Variants in DCAF6 observed in about 807,000 individuals in gnomAD.
DCAF6 encodes DDB1- and CUL4-associated factor 6.
DCAF6 carries 54 observed loss-of-function variants against 125.1 expected under a neutral mutation model. The observed-to-expected ratio is 0.43, with a 90% CI of 0.35 to 0.54. The LOEUF (loss-of-function observed/expected upper bound fraction) is 0.54, where lower values mean the gene tolerates loss of function less well. Ranked by LOEUF, DCAF6 falls within the 20% of genes least tolerant of loss-of-function variation. DCAF6 has a pLI of 0.01. For synonymous variants in DCAF6, 371 were observed against 390.4 expected (o/e 0.95, Z 0.58); for missense variants, 934 against 1,161.7 (o/e 0.80, Z 2.85).
chr1:168,049,431 G>GTTTTTTTTTTTTTTTTTTTTT (rs11369573), intron 16 of DCAF6, among the ~76,000 whole-genome samples: 1 of 101,234 alleles, frequency 9.9e-6, no homozygotes, highest in Non-Finnish European at 1.9e-5. Context: ...TGTTGTTGTT[G>GTTTTTTTTTTTTTTTTTTTTT]TTTTTTTTTT....
intron 12 of DCAF6, among the ~76,000 whole-genome samples, chr1:168,033,005 T>A (rs1399193008): frequency 6.6e-6 from 1 of 150,664 alleles, no homozygotes; most frequent in East Asian, 1.9e-4. Context: ...TATAAAATAC[T>A]CAGCATTTTT....
At chr1:167,882,357 T>C in the DCAF6 span, among the ~76,000 whole-genome samples, 15 of 151,962 alleles carry the variant, frequency 9.9e-5, no homozygotes, top group South Asian at 2.9e-3. Context: ...TGGTGGCGCA[T>C]GCCTGTAATC....
At chr1:168,030,866 T>C (rs973319598) in intron 12 of DCAF6, among the ~76,000 whole-genome samples, 7 of 152,204 alleles carry the variant, frequency 4.6e-5, no homozygotes, top group African/African-American at 1.7e-4. Context: ...AGGTGACTTT[T>C]TCAGCCACTG....
the DCAF6 span, chr1:167,880,578 G>T: frequency 3.7e-5 from 59 of 1,613,892 alleles, no homozygotes; most frequent in Non-Finnish European, 4.8e-5. Context: ...CTTTTCCCCA[G>T]GGAAGCCAAA....
chr1:167,901,595 A>T, the DCAF6 span: 1 of 1,491,928 alleles, frequency 6.7e-7, no homozygotes, highest in Admixed American at 1.7e-5. Flanking sequence ...TTTGGGAGAG[A>T]GAGATGCCCC....
At chr1:167,901,944 T>C in the DCAF6 span, 2 of 1,607,874 alleles carry the variant, frequency 1.2e-6, no homozygotes, top group South Asian at 2.2e-5. Context: ...ATGCCTCCTT[T>C]GTCCCCAACA....
intron 17 of DCAF6, among the ~76,000 whole-genome samples, chr1:168,060,148 ATTAT>A (rs1691401955): frequency 6.6e-6 from 1 of 151,946 alleles, no homozygotes; most frequent in Non-Finnish European, 1.5e-5. Flanking sequence ...TTCCTTTTCT[ATTAT>A]TTGTATTAAT....
chr1:168,009,393 T>TTCTTTCTC (rs1553232865), intron 10 of DCAF6, among the ~76,000 whole-genome samples: 1 of 142,688 alleles, frequency 7.0e-6, no homozygotes, highest in African/African-American at 2.7e-5. Flanking sequence ...CTTCCTTTCT[T>TTCTTTCTC]TCTTTCTTTC....
chr1:167,899,463 A>T, the DCAF6 span: 1 of 1,614,224 alleles, frequency 6.2e-7, no homozygotes, highest in Admixed American at 1.7e-5. Flanking sequence ...AATTTCAATC[A>T]TGCTCCGGTC....
chr1:167,958,775 A>T (rs1675150376), intron 2 of DCAF6, among the ~76,000 whole-genome samples: 1 of 152,080 alleles, frequency 6.6e-6, no homozygotes, highest in East Asian at 1.9e-4. Context: ...AAGGTATGGG[A>T]ATTTCTCATA....
upstream of DCAF6, among the ~76,000 whole-genome samples, chr1:167,931,542 T>C (rs1045641339): frequency 1.2e-4 from 18 of 151,932 alleles, no homozygotes; most frequent in South Asian, 3.3e-3. Flanking sequence ...ATATTAAATA[T>C]ACACTTAAGA....
chr1:167,941,585 T>TA (rs1454901519), intron 1 of DCAF6, among the ~76,000 whole-genome samples: 24 of 152,190 alleles, frequency 1.6e-4, no homozygotes, highest in African/African-American at 4.8e-4. Flanking sequence ...TTCATATTGT[T>TA]ACAACTGTTG....
chr1:167,950,430 T>C (rs1328832706), intron 1 of DCAF6, among the ~76,000 whole-genome samples: 1 of 152,214 alleles, frequency 6.6e-6, no homozygotes, highest in Non-Finnish European at 1.5e-5. Flanking sequence ...GGTTGTTTTA[T>C]TTCAGTAAGT....
At chr1:167,892,173 T>C in the DCAF6 span, among the ~76,000 whole-genome samples, 2 of 152,148 alleles carry the variant, frequency 1.3e-5, no homozygotes, top group African/African-American at 4.8e-5. Context: ...GGTTTTGCCA[T>C]GTTGTCCAGG....
intron 12 of DCAF6, among the ~76,000 whole-genome samples, chr1:168,037,110 T>C (rs1399671623): frequency 8.0e-5 from 12 of 150,814 alleles, no homozygotes; most frequent in Non-Finnish European, 1.3e-4. Flanking sequence ...CCCCCTTTTT[T>C]TTTTTTTTTT....
intron 10 of DCAF6, among the ~76,000 whole-genome samples, chr1:168,011,040 A>C (rs1359496141): frequency 6.6e-6 from 1 of 151,332 alleles, no homozygotes; most frequent in Middle Eastern, 3.4e-3. Context: ...TAGGGCTCAT[A>C]TTGAGAAGTG....
At chr1:168,055,153 C>T (rs1690476285) in intron 17 of DCAF6, among the ~76,000 whole-genome samples, 1 of 151,892 alleles carries the variant, frequency 6.6e-6, no homozygotes, top group South Asian at 2.1e-4. Flanking sequence ...TTAACACATA[C>T]CCACAGTAAC....
intron 20 of DCAF6, among the ~76,000 whole-genome samples, chr1:168,067,821 A>G (rs565993994): frequency 6.6e-6 from 1 of 151,814 alleles, no homozygotes; most frequent in African/African-American, 2.4e-5. Context: ...ATGGTTACAT[A>G]TTGCATCTCT....
At chr1:167,894,772 G>C in the DCAF6 span, among the ~76,000 whole-genome samples, 1 of 152,168 alleles carries the variant, frequency 6.6e-6, no homozygotes, top group African/African-American at 2.4e-5. Flanking sequence ...CAGATTTGTA[G>C]GTAGTTGGTC....
Sources: gnomAD v4.1 joint callset for allele counts (sites outside exome capture counted in the v4.1 genomes callset) on GRCh38, gnomAD v4.1.1 for gene constraint, MANE v1.5 for transcripts, NCBI Gene and HGNC (gene_info 2026-07-23, HGNC 2026-07-21) for gene names.